The following CCSER1 variants were observed in gnomAD, a reference collection of about 807,000 sequenced individuals.
The protein encoded by CCSER1 is serine-rich coiled-coil domain-containing protein 1.
Under a neutral mutation model 82.0 loss-of-function variants are expected in CCSER1, and 41 were observed. The observed-to-expected ratio is 0.50, with a 90% CI of 0.39 to 0.65. The LOEUF (loss-of-function observed/expected upper bound fraction) is 0.65, where lower values mean the gene tolerates loss of function less well. CCSER1 is among the 30% of genes least tolerant of loss of function. The pLI is 0.00. For missense variants in CCSER1, 1,119 were observed against 1,064.2 expected (o/e 1.05, Z -0.72); for synonymous variants, 414 against 383.9 (o/e 1.08, Z -0.92).
In CCSER1 at chr4:91,587,857, C is replaced by G. The variant is rs181368772; in HGVS notation, c.2218-10715C>G. Among the ~76,000 whole-genome samples, 14 of 151,742 alleles carry G rather than the reference C, an allele frequency of 9.2e-5. No individual in the cohort carries two copies. The East Asian group carries it at 2.7e-3, about 29-fold the overall frequency. On this transcript the variant is annotated intron_variant, in intron 10 of 10. Transcript: ENST00000509176. ...TAATCTAAGGCAAGTCACACAGTCTCTCTAGTCAGTTTCCTTATAAAATCA... is the reference window on the plus strand; with the variant it reads ...TAATCTAAGGCAAGTCACACAGTCTGTCTAGTCAGTTTCCTTATAAAATCA...
intron 10 of CCSER1, among the ~76,000 whole-genome samples, chr4:91,495,738 A>G (rs1230996138): frequency 6.6e-6 from 1 of 151,618 alleles, no homozygotes; most frequent in East Asian, 1.9e-4. Flanking sequence ...TGTAAATAAT[A>G]AAGTAAGATA....
intron 10 of CCSER1, among the ~76,000 whole-genome samples, chr4:91,138,786 A>T (rs1214556125): frequency 6.6e-6 from 1 of 151,078 alleles, no homozygotes; most frequent in Non-Finnish European, 1.5e-5. Context: ...GGACATGAAC[A>T]GACACTTCTC....
intron 10 of CCSER1, among the ~76,000 whole-genome samples, chr4:91,288,122 A>G (rs1182467767): frequency 1.7e-5 from 1 of 59,976 alleles, no homozygotes; most frequent in Non-Finnish European, 3.9e-5. Flanking sequence ...ATATATATAC[A>G]CACTCATGTA....
At chr4:90,255,467 T>C (rs1435203930) in intron 1 of CCSER1, among the ~76,000 whole-genome samples, 5 of 152,164 alleles carry the variant, frequency 3.3e-5, no homozygotes, top group Admixed American at 3.3e-4. Context: ...TTTATAGAAA[T>C]ACAGATTGTT....
chr4:90,970,814 A>G (rs1252709185), intron 9 of CCSER1, among the ~76,000 whole-genome samples: 6 of 152,032 alleles, frequency 3.9e-5, no homozygotes, highest in Non-Finnish European at 8.8e-5. Flanking sequence ...TGTGGAAATT[A>G]AACACACTCC....
intron 10 of CCSER1, among the ~76,000 whole-genome samples, chr4:91,595,312 A>G (rs1338662039): frequency 1.3e-5 from 2 of 152,116 alleles, no homozygotes; most frequent in African/African-American, 4.8e-5. Context: ...AACACTCCCC[A>G]ATACATTTCA....
intron 5 of CCSER1, among the ~76,000 whole-genome samples, chr4:90,532,498 G>A (rs1186770041): frequency 2.6e-5 from 4 of 151,878 alleles, no homozygotes; most frequent in African/African-American, 7.3e-5. Context: ...AGCTTTTTAC[G>A]GTGGTGTTCT....
In CCSER1 at chr4:91,335,191, A is replaced by T. The variant is rs190064207; in HGVS notation, c.2217+249197A>T. 2.6e-5 allele frequency among the ~76,000 whole-genome samples: 4 copies of T among 152,048 alleles called. No individual in the cohort carries two copies. The East Asian group carries it at 7.8e-4, about 30-fold the overall frequency. On this transcript the variant is annotated intron_variant, in intron 10 of 10. Coordinates refer to ENST00000509176, the MANE Select transcript of CCSER1 (RefSeq NM_001145065.2). ...AAACCAGCATCTCAAGTAAGGGAGG[A>T]AAAGGTTAGCTAAAGCTGGAAAGGA...
intron 3 of CCSER1, among the ~76,000 whole-genome samples, chr4:90,337,720 T>A (rs755090484): frequency 6.6e-6 from 1 of 151,984 alleles, no homozygotes; most frequent in Non-Finnish European, 1.5e-5. Context: ...CTTACCTAAT[T>A]AATAATGAAA....
chr4:90,825,799 G>A (rs148213263), intron 8 of CCSER1, among the ~76,000 whole-genome samples: 2,773 of 146,848 alleles, frequency 0.019, 97 homozygotes, highest in African/African-American at 0.066. Flanking sequence ...GTGCAATCTC[G>A]GATCACTGCA....
At chr4:90,878,144 A>G (rs1227435813) in intron 8 of CCSER1, among the ~76,000 whole-genome samples, 2 of 152,124 alleles carry the variant, frequency 1.3e-5, no homozygotes. Context: ...TTTATCCTTA[A>G]TGACCTTCTC....
At chr4:90,812,423 A>T (rs922111132) in intron 7 of CCSER1, among the ~76,000 whole-genome samples, 2 of 152,182 alleles carry the variant, frequency 1.3e-5, no homozygotes, top group Non-Finnish European at 1.5e-5. Context: ...ATGGATGTGG[A>T]TATATTGTGT....
At chr4:91,379,499 G>A (rs921288864) in intron 10 of CCSER1, among the ~76,000 whole-genome samples, 4 of 152,140 alleles carry the variant, frequency 2.6e-5, no homozygotes, top group African/African-American at 9.7e-5. Flanking sequence ...ATGTGTCCAG[G>A]AGTTTATCCA....
At chr4:90,344,449 G>T (rs975519994) in intron 3 of CCSER1, among the ~76,000 whole-genome samples, 25 of 151,904 alleles carry the variant, frequency 1.6e-4, no homozygotes, top group African/African-American at 5.8e-4. Flanking sequence ...TGGTTTCTCA[G>T]TACATCATAA....
At chr4:90,500,167 G>A (rs925128394) in intron 5 of CCSER1, among the ~76,000 whole-genome samples, 1 of 151,630 alleles carries the variant, frequency 6.6e-6, no homozygotes, top group South Asian at 2.1e-4. Context: ...ATCTCTATGA[G>A]TTCATCATGT....
intron 9 of CCSER1, among the ~76,000 whole-genome samples, chr4:90,980,892 T>C (rs1448251668): frequency 6.6e-6 from 1 of 151,820 alleles, no homozygotes; most frequent in Non-Finnish European, 1.5e-5. Flanking sequence ...TTATAATGAA[T>C]GTTATCTAGA....
intron 4 of CCSER1, among the ~76,000 whole-genome samples, chr4:90,465,239 A>G (rs1379655601): frequency 6.6e-6 from 1 of 151,552 alleles, no homozygotes; most frequent in Non-Finnish European, 1.5e-5. Context: ...TGGGATTACA[A>G]GTGTGAACCA....
intron 1 of CCSER1, among the ~76,000 whole-genome samples, chr4:90,136,386 G>C (rs1723706315): frequency 6.6e-6 from 1 of 152,122 alleles, no homozygotes; most frequent in South Asian, 2.1e-4. Context: ...TGTTTGCTTA[G>C]CTAAGTGTAC....
rs549587964 is a variant in CCSER1 at position 91,197,515 on chromosome 4, G to A, written c.2217+111521G>A. Among the ~76,000 whole-genome samples, 8 of 152,108 alleles carry A rather than the reference G, an allele frequency of 5.3e-5. No homozygotes were observed. In the South Asian group the frequency reaches 1.7e-3, roughly 32 times the overall value. On this transcript the variant is annotated intron_variant, in intron 10 of 10. Transcript: ENST00000509176. ...GAAACTGAATTTCTTACTTTATTTA[G>A]TTTTAGTTTGTTTAAATTTAAAAGC... is the stretch of plus-strand genomic sequence containing the variant.
Sources: gnomAD v4.1 joint callset for allele counts (sites outside exome capture counted in the v4.1 genomes callset) on GRCh38, gnomAD v4.1.1 for gene constraint, MANE v1.5 for transcripts, NCBI Gene and HGNC (gene_info 2026-07-23, HGNC 2026-07-21) for gene names.